PRPH2: variants seen among roughly 807,000 people sequenced by gnomAD.
PRPH2 encodes peripherin 2.
In PRPH2, 17 loss-of-function variants were observed where a neutral mutation model predicts 31.3. The observed-to-expected ratio is 0.54, with a 90% CI of 0.37 to 0.81. The LOEUF (loss-of-function observed/expected upper bound fraction) is 0.81. Among genes scored for constraint, PRPH2 ranks in the 40% least tolerant of loss-of-function variants. The pLI is 0.00. For synonymous variants in PRPH2, 165 were observed against 184.4 expected, an observed-to-expected ratio of 0.89 and a Z score of 0.85; for missense variants, 430 against 439.7, an observed-to-expected ratio of 0.98 and a Z score of 0.20.
intron 1 of PRPH2, among the ~76,000 whole-genome samples, chr6:42,711,652 C>T (rs1360683844): frequency 6.6e-6 from 1 of 152,238 alleles, no homozygotes; most frequent in South Asian, 2.1e-4. Flanking sequence ...GGAGACACAG[C>T]TCTCTTCAAA....
At chr6:42,706,025 C>A (rs1441075177) in intron 1 of PRPH2, among the ~76,000 whole-genome samples, 1 of 151,456 alleles carries the variant, frequency 6.6e-6, no homozygotes, top group Non-Finnish European at 1.5e-5. Context: ...AATCTCAGCA[C>A]TTTGGGAGGC....
chr6:42,708,103 CA>C (rs1269563453), intron 1 of PRPH2, among the ~76,000 whole-genome samples: 2 of 152,218 alleles, frequency 1.3e-5, no homozygotes, highest in Non-Finnish European at 2.9e-5. Context: ...CAAGAGCCAT[CA>C]GGGGTGGTAC....
intron 2 of PRPH2, among the ~76,000 whole-genome samples, chr6:42,700,280 ATATATTCCG>A (rs1800022810): frequency 6.6e-6 from 1 of 152,066 alleles, no homozygotes; most frequent in Admixed American, 6.5e-5. Context: ...TTTTTCTATA[ATATATTCCG>A]TATATTCCGT....
chr6:42,711,677 G>T, intron 1 of PRPH2: 1 of 856,282 alleles, frequency 1.2e-6, no homozygotes, highest in Non-Finnish European at 1.4e-6. Context: ...TCCCGTCTGA[G>T]AGGGGAGAAA....
intron 2 of PRPH2, among the ~76,000 whole-genome samples, chr6:42,699,579 C>G (rs912136061): frequency 1.3e-5 from 2 of 151,854 alleles, no homozygotes; most frequent in Non-Finnish European, 2.9e-5. Flanking sequence ...TACTGTGCCA[C>G]TTTAATATGT....
At position 42,714,749 on chromosome 6, in the gene PRPH2, C is replaced by A. The variant is rs538945892; in HGVS notation, c.581+7005G>T. On this transcript the variant is annotated intron_variant, in intron 1 of 2. Transcript: ENST00000230381. ...CCCATGCTGGTATCGAACCCCTGGGCTCAAGTGATCCATCCACTTCAACCT... is the reference window on the plus strand; with the variant it reads ...CCCATGCTGGTATCGAACCCCTGGGATCAAGTGATCCATCCACTTCAACCT... 2.6e-5 allele frequency among the ~76,000 whole-genome samples: 4 copies of A among 152,238 alleles called. No individual in the cohort carries two copies. In the East Asian group the frequency reaches 7.8e-4, roughly 30 times the overall value.
chr6:42,716,962 C>CTTTTTT lies in PRPH2; in HGVS notation c.581+4786_581+4791dup, dbSNP rs1161769235. Among the ~76,000 whole-genome samples, 21 of 45,206 alleles carry CTTTTTT rather than the reference C, an allele frequency of 4.6e-4. 1 individual carries two copies. Among genetic ancestry groups the CTTTTTT allele is most frequent in the East Asian group, 7.8e-4 (1 of 1,282 alleles). The allele number at this position is 45,206 out of a possible 152,430, so 29.7% of individuals were successfully genotyped here. A position where few individuals can be genotyped will look rare whatever the true frequency, so the allele number is the denominator to read the frequency against. On this transcript the variant is annotated intron_variant, in intron 1 of 2. Transcript: ENST00000230381. ...TTCTTTTCTTTTCTTTCTTTCTTTT[C>CTTTTTT]TTTTTTTTTTTTTTTTTTTTTTTTG...
At chr6:42,710,327 T>G (rs1456674940) in intron 1 of PRPH2, among the ~76,000 whole-genome samples, 1 of 152,188 alleles carries the variant, frequency 6.6e-6, no homozygotes, top group Non-Finnish European at 1.5e-5. Flanking sequence ...TACTGGGAAC[T>G]TCCCAGTGTA....
chr6:42,703,611 G>A (rs1231307873), intron 2 of PRPH2, among the ~76,000 whole-genome samples: 1 of 152,192 alleles, frequency 6.6e-6, no homozygotes, highest in African/African-American at 2.4e-5. Context: ...TATATGAAAT[G>A]TCCAAAATAC....
At chr6:42,709,231 G>A (rs2152006681) in intron 1 of PRPH2, among the ~76,000 whole-genome samples, 1 of 151,356 alleles carries the variant, frequency 6.6e-6, no homozygotes, top group South Asian at 2.1e-4. Context: ...TGGGGAGGCT[G>A]AGGCAGAAGA....
At chr6:42,716,612 G>GTTTTT (rs145765747) in intron 1 of PRPH2, among the ~76,000 whole-genome samples, 38 of 111,548 alleles carry the variant, frequency 3.4e-4, no homozygotes, top group Non-Finnish European at 4.1e-4. Context: ...GGTTTGGTTG[G>GTTTTT]TTTTTTTTTT....
intron 1 of PRPH2, among the ~76,000 whole-genome samples, chr6:42,720,881 G>A (rs1761890077): frequency 6.6e-6 from 1 of 152,216 alleles, no homozygotes; most frequent in African/African-American, 2.4e-5. Context: ...GCCCGCTGGA[G>A]CCAGTGCACA....
At position 42,721,993 on chromosome 6, in the gene PRPH2, A is replaced by C; in HGVS notation, c.342T>G (p.Leu114=). Residue 114 remains leucine, a synonymous_variant, in exon 1 of 3, where the codon CTT becomes CTG. Coordinates refer to ENST00000230381, the MANE Select transcript of PRPH2 (RefSeq NM_000322.5). The part of the protein sequence containing the change: ...ICVLFNIILF[L]VALCCFLLRG... The stretch of plus-strand genomic sequence containing the variant: ...GAAGCAGAAAGCAGCAGAGAGCCAC[A>C]AGGAAGAGGATGATGTTGAAGAGAA... 6.2e-7 allele frequency: 1 copy of C among 1,614,082 alleles called. No homozygotes were observed. The highest frequency in any genetic ancestry group is 8.5e-7 in the Non-Finnish European group (1 of 1,180,026).
At chr6:42,704,273 G>T in intron 2 of PRPH2, 92 bp downstream of exon 2, 2 of 1,506,754 alleles carry the variant, frequency 1.3e-6, no homozygotes, top group Non-Finnish European at 1.8e-6. Flanking sequence ...AAAGAGGGAG[G>T]CATGCTCTCC....
intron 1 of PRPH2, among the ~76,000 whole-genome samples, chr6:42,709,194 G>A (rs9357403): frequency 1.3e-5 from 2 of 151,828 alleles, no homozygotes; most frequent in Non-Finnish European, 2.9e-5. Flanking sequence ...GCCGGGCGTG[G>A]TGGCGGGCGC....
chr6:42,718,928 G>C (rs1028164211), intron 1 of PRPH2, among the ~76,000 whole-genome samples: 1 of 152,028 alleles, frequency 6.6e-6, no homozygotes, highest in African/African-American at 2.4e-5. Context: ...GCCTCCCAAA[G>C]AGCTGGGATT....
rs61755792 is a variant in PRPH2, at chr6:42,721,821, G to A, written c.514C>T (p.Arg172Trp). 1.9e-6 allele frequency: 3 copies of A among 1,614,160 alleles called. No homozygotes were observed. The highest frequency in any genetic ancestry group is 2.5e-6 in the Non-Finnish European group (3 of 1,180,032). ...ATCCACTGAATCTCAAACCAGTCCC[G>A]AAAACCGTTGTTGCCGCAGCATTTG... ...EFKCCGNNGF[R>W]DWFEIQWISN... Residue 172 changes from arginine to tryptophan, a missense_variant, in exon 1 of 3, where the codon CGG becomes TGG. Coordinates refer to ENST00000230381, the MANE Select transcript of PRPH2 (RefSeq NM_000322.5).
intron 1 of PRPH2, among the ~76,000 whole-genome samples, chr6:42,705,940 T>C (rs9296398): frequency 0.56 from 81,270 of 144,304 alleles, 23,140 homozygotes; most frequent in African/African-American, 0.69. Flanking sequence ...GCCCGTACGA[T>C]ACAGTGAGAC....
chr6:42,718,332 G>T (rs1026719153), intron 1 of PRPH2, among the ~76,000 whole-genome samples: 9 of 151,486 alleles, frequency 5.9e-5, no homozygotes, highest in African/African-American at 2.2e-4. Flanking sequence ...CCAGCATGGT[G>T]CCACACACCT....
Sources: gnomAD v4.1 joint callset for allele counts (sites outside exome capture counted in the v4.1 genomes callset) on GRCh38, gnomAD v4.1.1 for gene constraint, MANE v1.5 for transcripts, NCBI Gene and HGNC (gene_info 2026-07-23, HGNC 2026-07-21) for gene names.